The following RTP1 variants were observed in gnomAD, a reference collection of about 807,000 sequenced individuals.
RTP1 encodes the protein receptor-transporting protein 1.
RTP1 carries 24 observed loss-of-function variants against 27.1 expected under a neutral mutation model. That is an observed-to-expected ratio of 0.89 (90% CI 0.64 to 1.25). RTP1 has a LOEUF of 1.25. Ranked by LOEUF, RTP1 falls within the 50% of genes most tolerant of loss-of-function variation. The pLI is 0.00. For synonymous variants in RTP1, 148 were observed against 148.1 expected (o/e 1.00, Z 0.00); for missense variants, 338 against 351.6 (o/e 0.96, Z 0.31).
At chr3:187,197,820 C>T in intron 1 of RTP1, 33 bp downstream of exon 1, 1 of 1,598,070 alleles carries the variant, frequency 6.3e-7, no homozygotes, top group Non-Finnish European at 8.6e-7. Context: ...TCCCTGCAGG[C>T]CGCCTCTAGG....
At position 187,200,176 on chromosome 3, in the gene RTP1, G is replaced by A. The variant is rs2108488779; in HGVS notation, c.*106G>A. The A allele has an allele frequency of 1.0e-6, 1 of 986,258 alleles. No individual in the cohort carries two copies. The highest frequency in any genetic ancestry group is 1.4e-6 in the Non-Finnish European group (1 of 706,156). The allele number at this position is 986,258 out of a possible 1,614,324, so 61.1% of individuals were successfully genotyped here. ...AGTGTAAACTTCTAGCGCTGGTGATGTCACTGACTCAGTGGGGATCTTGGA... is the reference window on the plus strand; with the variant it reads ...AGTGTAAACTTCTAGCGCTGGTGATATCACTGACTCAGTGGGGATCTTGGA... On this transcript the variant is annotated 3_prime_UTR_variant, in exon 2 of 2. Coordinates refer to ENST00000312295, the MANE Select transcript of RTP1 (RefSeq NM_153708.3).
At position 187,199,746 on chromosome 3, in the gene RTP1, C is replaced by A; in HGVS notation, c.468C>A (p.Asn156Lys). 6.2e-7 allele frequency: 1 copy of A among 1,613,622 alleles called. No individual in the cohort carries two copies. Among genetic ancestry groups the A allele is most frequent in the Non-Finnish European group, 8.5e-7 (1 of 1,179,694 alleles). ...LEENIEGLVD[N>K]LITSLREQCY... ...AGAACATCGAGGGCCTGGTGGACAA[C>A]CTCATCACCAGCCTGCGCGAGCAGT... is the stretch of plus-strand genomic sequence containing the variant. Residue 156 changes from asparagine to lysine, a missense_variant, in exon 2 of 2, where the codon AAC becomes AAA. Transcript: ENST00000312295.
chr3:187,199,630 C>T lies in RTP1; in HGVS notation c.352C>T (p.Gln118Ter). 1 of 1,609,160 alleles carries T rather than the reference C, an allele frequency of 6.2e-7. No individual in the cohort carries two copies. Among genetic ancestry groups the T allele is most frequent in the Non-Finnish European group, 8.5e-7 (1 of 1,176,002 alleles). The change falls in exon 2 of 2, where the codon CAG becomes TAG. Residue 118 changes from glutamine (Q) to a stop codon, truncating the protein, a stop_gained. Transcript: ENST00000312295. LOFTEE classifies it high-confidence loss of function. ...ILFHMFLDRA[Q>*]RAGSVRMRVF... The stretch of plus-strand genomic sequence containing the variant: ...CTTCCACATGTTCCTGGACCGCGCC[C>T]AGCGGGCGGGCTCGGTGCGCATGCG...
At chr3:187,198,963 G>A (rs539626352) in intron 1 of RTP1, among the ~76,000 whole-genome samples, 2 of 152,252 alleles carry the variant, frequency 1.3e-5, no homozygotes, top group South Asian at 4.2e-4. Flanking sequence ...GCTTGTGGCT[G>A]CCCCAGACCT....
intron 1 of RTP1, chr3:187,198,791 C>T (rs1721648636): frequency 6.6e-6 from 1 of 152,184 alleles, no homozygotes; most frequent in Non-Finnish European, 1.5e-5. Flanking sequence ...GTAGTCTGGT[C>T]TGAGAGAGGA....
chr3:187,199,934 G>A lies in RTP1; in HGVS notation c.656G>A (p.Arg219Gln), dbSNP rs771237440. Reference sequence around the variant, plus strand: ...GAGGCGACCACCTACACCTTCTCCCGGGCGCCCAGCCCCACCAAGTCGCAG... The same window carrying A: ...GAGGCGACCACCTACACCTTCTCCCAGGCGCCCAGCCCCACCAAGTCGCAG... ...EEEATTYTFSRAPSPTKSQDQ... is the reference protein window; with the variant it reads ...EEEATTYTFSQAPSPTKSQDQ... The change falls in exon 2 of 2, where the codon CGG (arginine) becomes CAG (glutamine). Residue 219 changes from arginine (R) to glutamine (Q), a missense_variant. Physicochemically the swap from Arg to Gln is conservative, Grantham distance 43 (BLOSUM62 1). This residue lies in a region of RTP1 where 252 missense variants were observed against 231.5 expected (regional missense o/e 1.09). Transcript: ENST00000312295. 11 of 1,595,998 alleles carry A rather than the reference G, an allele frequency of 6.9e-6. No individual in the cohort carries two copies. In the African/African-American group the frequency reaches 1.5e-4, roughly 21 times the overall value.
chr3:187,199,410 C>G, intron 1 of RTP1, 141 bp from the exon 2 acceptor site: 1 of 892,288 alleles, frequency 1.1e-6, no homozygotes, highest in Non-Finnish European at 1.7e-6. Flanking sequence ...CTGGGGAAAG[C>G]TAATGAACCC....
intron 1 of RTP1, chr3:187,199,245 T>G: frequency 2.6e-6 from 1 of 379,562 alleles, no homozygotes; most frequent in Non-Finnish European, 4.8e-6. Context: ...ACCAAGCGCA[T>G]TTTGCCCATG....
At chr3:187,199,492 G>C in intron 1 of RTP1, 59 bp from the exon 2 acceptor site, 2 of 1,530,508 alleles carry the variant, frequency 1.3e-6, no homozygotes, top group South Asian at 1.2e-5. Context: ...GCCATTCCTA[G>C]GGCTGTTTCC....
chr3:187,198,497 T>A (rs1024784703), intron 1 of RTP1: 1 of 152,256 alleles, frequency 6.6e-6, no homozygotes, highest in African/African-American at 2.4e-5. Flanking sequence ...CTAGCACTCT[T>A]GTTCATGGGT....
Position 187,199,837 on chromosome 3 carries a change from C to G in RTP1, c.559C>G (p.Arg187Gly). The change falls in exon 2 of 2, where the codon CGC (arginine) becomes GGC (glycine). Residue 187 changes from arginine (R) to glycine (G), a missense_variant. Coordinates refer to ENST00000312295, the MANE Select transcript of RTP1 (RefSeq NM_153708.3). ...CAGCCGCCAGGACAACCGGCGGCAC[C>G]GCGGAGAGTTCTGCGAGGCCTGCCA... ...VASRQDNRRH[R>G]GEFCEACQEG... 6.2e-7 allele frequency: 1 copy of G among 1,606,936 alleles called. No individual in the cohort carries two copies. The highest frequency in any genetic ancestry group is 8.5e-7 in the Non-Finnish European group (1 of 1,174,460).
chr3:187,197,487 C>T lies in RTP1; in HGVS notation c.-29C>T, dbSNP rs771895447. The T allele has an allele frequency of 1.9e-6, 3 of 1,603,092 alleles. No homozygotes were observed. The highest frequency in any genetic ancestry group is 2.6e-6 in the Non-Finnish European group (3 of 1,171,644). On this transcript the variant is annotated 5_prime_UTR_variant, in exon 1 of 2. Coordinates refer to ENST00000312295, the MANE Select transcript of RTP1 (RefSeq NM_153708.3). ...GTTCCACTGCGGACAAAGGAGGGAGCTGGGTCCTGCTTCCTCCTGGTCTTG... is the reference window on the plus strand; with the variant it reads ...GTTCCACTGCGGACAAAGGAGGGAGTTGGGTCCTGCTTCCTCCTGGTCTTG...
intron 1 of RTP1, 125 bp downstream of exon 1, chr3:187,197,912 G>A: frequency 1.1e-6 from 1 of 943,312 alleles, no homozygotes; most frequent in Non-Finnish European, 1.6e-6. Flanking sequence ...TATTAGGCTG[G>A]CGTAGACTGG....
Position 187,199,593 on chromosome 3 carries a change from C to T in RTP1, c.315C>T (p.Tyr105=), listed in dbSNP as rs774041536. 80 of 1,605,256 alleles carry T rather than the reference C, an allele frequency of 5.0e-5. No individual in the cohort carries two copies. The highest frequency in any genetic ancestry group is 7.7e-5 in the South Asian group (7 of 90,670). ...SWCWHTWQSP[Y]VVILFHMFLD... ...GCTGGCACACCTGGCAGTCGCCCTA[C>T]GTGGTCATCCTCTTCCACATGTTCC... is the stretch of plus-strand genomic sequence containing the variant. The change falls in exon 2 of 2, where the codon TAC becomes TAT. Residue 105 remains tyrosine (Y), a synonymous_variant. Transcript: ENST00000312295.
In RTP1 at chr3:187,201,203, GGAGAACCTTACAA is replaced by G. The variant is rs1167893025; in HGVS notation, c.*1135_*1147del. On this transcript the variant is annotated 3_prime_UTR_variant, in exon 2 of 2. Coordinates refer to ENST00000312295, the MANE Select transcript of RTP1 (RefSeq NM_153708.3). Reference sequence around the variant, plus strand: ...CCATGGGGAAGTGCACAGATATGTGGGAGAACCTTACAAGGCTCTAAAATGAGATGTGATATGG... The same window carrying G: ...CCATGGGGAAGTGCACAGATATGTGGGGCTCTAAAATGAGATGTGATATGG... 2 of 152,220 alleles carry G rather than the reference GGAGAACCTTACAA, an allele frequency of 1.3e-5. No individual in the cohort carries two copies. Among genetic ancestry groups the G allele is most frequent in the Admixed American group, 6.5e-5 (1 of 15,286 alleles). 9.4% of individuals were successfully genotyped at this position (152,220 alleles called of 1,614,324 possible). A position where few individuals can be genotyped will look rare whatever the true frequency, so the allele number is the denominator to read the frequency against.
intron 1 of RTP1, among the ~76,000 whole-genome samples, chr3:187,198,965 C>T (rs1721652632): frequency 1.3e-5 from 2 of 152,108 alleles, no homozygotes; most frequent in South Asian, 4.1e-4. Context: ...TTGTGGCTGC[C>T]CCAGACCTGG....
intron 1 of RTP1, among the ~76,000 whole-genome samples, chr3:187,199,034 G>T (rs1489222878): frequency 6.6e-6 from 1 of 152,108 alleles, no homozygotes; most frequent in Admixed American, 6.5e-5. Flanking sequence ...CAGGCCTTGG[G>T]GATCTGGGCA....
Position 187,200,406 on chromosome 3 carries a change from G to T in RTP1, c.*336G>T. 1 of 162,006 alleles carries T rather than the reference G, an allele frequency of 6.2e-6. No individual in the cohort carries two copies. 10.0% of individuals were successfully genotyped at this position (162,006 alleles called of 1,614,324 possible). ...CTACCTCCTCCTCTTGCTTCGATCA[G>T]AACAGCTTTACTTTAGATAGGGTTC... On this transcript the variant is annotated 3_prime_UTR_variant, in exon 2 of 2. Transcript: ENST00000312295.
At position 187,197,822 on chromosome 3, in the gene RTP1, G is replaced by A. The variant is rs144152238; in HGVS notation, c.272+35G>A. The A allele has an allele frequency of 6.5e-4, 1,040 of 1,596,066 alleles. 14 individuals are homozygous for A. The East Asian group carries it at 0.02, about 31-fold the overall frequency. ...CCAGGAAGGTGGATCCCTGCAGGCC[G>A]CCTCTAGGTCCCTAGCTCTGGGGCA... On this transcript the variant is annotated intron_variant, in intron 1 of 1. Transcript: ENST00000312295.
Sources: allele counts gnomAD v4.1 joint callset (sites outside exome capture counted in the v4.1 genomes callset), GRCh38; gene constraint gnomAD v4.1.1; regional missense constraint gnomAD v4.1.1; transcripts MANE v1.5; gene names NCBI Gene and HGNC (gene_info 2026-07-23, HGNC 2026-07-21).